Variants in UBA1 observed in about 807,000 individuals in gnomAD.
UBA1 encodes ubiquitin-like modifier-activating enzyme 1.
A neutral mutation model predicts 84.7 loss-of-function variants in UBA1; 4 were observed. The ratio of observed to expected loss-of-function variants is 0.05; its 90% CI spans 0.02 to 0.11. UBA1 has a LOEUF of 0.11. Ranked by LOEUF, UBA1 falls within the 10% of genes least tolerant of loss-of-function variation. The pLI, the probability that UBA1 is intolerant of heterozygous loss-of-function variation, is 1.00. For synonymous variants in UBA1, 364 were observed against 362.6 expected (o/e 1.00, Z -0.04); for missense variants, 513 against 902.8 (o/e 0.57, Z 5.53).
At position 47,202,917 on chromosome X, in the gene UBA1, C is replaced by T. The variant is rs1556788918; in HGVS notation, c.1234-26C>T. ...TCAGGCCCCTGTTAACCACTGACCA[C>T]CCCCTCTCTCCCTTCCCCTCTCCAG... On this transcript the variant is annotated intron_variant, in intron 11 of 25. Coordinates refer to ENST00000335972, the MANE Select transcript of UBA1 (RefSeq NM_003334.4). The T allele has an allele frequency of 5.0e-6, 6 of 1,203,298 alleles. No individual in the cohort carries two copies. The South Asian group carries it at 7.1e-5, about 14-fold the overall frequency.
Position 47,213,205 on chromosome X carries a change from G to A in UBA1, c.2838+24G>A, listed in dbSNP as rs782551345. On this transcript the variant is annotated intron_variant, in intron 23 of 25. Coordinates refer to ENST00000335972, the MANE Select transcript of UBA1 (RefSeq NM_003334.4). ...AGGTGGGGGCCTGCATCCGAAGCAG[G>A]GTTTGGGTGGGGTGTATCTGTGTAG... 11 of 1,199,408 alleles carry A rather than the reference G, an allele frequency of 9.2e-6. No individual in the cohort carries two copies. The South Asian group carries it at 1.2e-4, about 14-fold the overall frequency.
rs368727585 is a variant in UBA1 at position 47,199,062 on chromosome X, C to T, written c.132C>T (p.Asn44=). The T allele has an allele frequency of 3.0e-4, 366 of 1,211,189 alleles. No individual in the cohort carries two copies. The highest frequency in any genetic ancestry group is 4.6e-4 in the Middle Eastern group (2 of 4,355). Residue 44 remains asparagine (N), a synonymous_variant, in exon 3 of 26, where the codon AAC becomes AAT. Coordinates refer to ENST00000335972, the MANE Select transcript of UBA1 (RefSeq NM_003334.4). ...PSVPTNGMAK[N]GSEADIDEGL... ...TCTATTCCTAGGGAATGGCCAAGAACGGCAGTGAAGCAGACATAGACGAGG... is the reference window on the plus strand; with the variant it reads ...TCTATTCCTAGGGAATGGCCAAGAATGGCAGTGAAGCAGACATAGACGAGG...
Position 47,206,001 on chromosome X carries a change from C to A in UBA1, c.1629C>A (p.Ile543=). 8.3e-7 allele frequency: 1 copy of A among 1,205,055 alleles called. No homozygotes were observed. Among genetic ancestry groups the A allele is most frequent in the Non-Finnish European group, 1.1e-6 (1 of 891,970 alleles). ...AAAVRQMNPH[I]RVTSHQNRVG... is the part of the protein sequence containing the mutation. ...CTGTGCGCCAAATGAATCCACATAT[C>A]CGGGTGACAAGCCACCAGAACCGTG... The change falls in exon 15 of 26, where the codon ATC becomes ATA. Residue 543 remains isoleucine, a synonymous_variant. Coordinates refer to ENST00000335972, the MANE Select transcript of UBA1 (RefSeq NM_003334.4).
At chrX:47,192,004 G>A (rs1390769123), upstream of UBA1, among the ~76,000 whole-genome samples, 4 of 112,206 alleles carry the variant, frequency 3.6e-5, no homozygotes, top group African/African-American at 1.3e-4. Context: ...CGTTTTGTAA[G>A]CCTGAATAAT....
rs781870417 is a variant in UBA1, at chrX:47,206,280, C to T, written c.1774C>T (p.Arg592Trp). 5 of 1,207,717 alleles carry T rather than the reference C, an allele frequency of 4.1e-6. No homozygotes were observed. Among genetic ancestry groups the T allele is most frequent in the African/African-American group, 3.5e-5 (2 of 57,342 alleles). Residue 592 changes from arginine to tryptophan, a missense_variant, in exon 16 of 26, where the codon CGG (arginine) becomes TGG (tryptophan). Arg to Trp is a moderately radical substitution (Grantham distance 101, BLOSUM62 -3). Coordinates refer to ENST00000335972, the MANE Select transcript of UBA1 (RefSeq NM_003334.4). ...CATGGACCGCCGCTGTGTCTACTAC[C>T]GGAAGCCACTGCTGGAGTCAGGCAC... is the stretch of plus-strand genomic sequence containing the variant. ...MYMDRRCVYY[R>W]KPLLESGTLG...
chrX:47,191,372 C>T (rs1556784257), upstream of UBA1: 2 of 111,273 alleles, frequency 1.8e-5, no homozygotes, highest in Non-Finnish European at 1.9e-5. Flanking sequence ...AGGTGTCAGG[C>T]CTTTGTGACC....
chrX:47,206,685 T>C, intron 16 of UBA1: 1 of 423,135 alleles, frequency 2.4e-6, no homozygotes, highest in Non-Finnish European at 4.1e-6. Context: ...AATATTATGA[T>C]GAATACTCAA....
At chrX:47,202,541 C>G (rs1936457020) in intron 10 of UBA1, 37 bp downstream of exon 10, 1 of 1,205,470 alleles carries the variant, frequency 8.3e-7, no homozygotes, top group Non-Finnish European at 1.1e-6. Context: ...GCAGACATGC[C>G]TGGCACTGCA....
intron 17 of UBA1, 71 bp from the exon 18 acceptor site, chrX:47,209,857 A>C: frequency 8.6e-7 from 1 of 1,156,344 alleles, no homozygotes; most frequent in Admixed American, 2.2e-5. Context: ...TGGAGAAAGT[A>C]AGATTGCTCT....
Position 47,209,967 on chromosome X carries a change from C to T in UBA1, c.2043C>T (p.Gly681=), listed in dbSNP as rs1402622857. The T allele has an allele frequency of 1.7e-6, 2 of 1,210,825 alleles. No individual in the cohort carries two copies. The highest frequency in any genetic ancestry group is 3.0e-5 in the East Asian group (1 of 33,798). The change falls in exon 18 of 26, where the codon GGC becomes GGT. Residue 681 remains glycine, a synonymous_variant. Transcript: ENST00000335972. The part of the protein sequence containing the change: ...KFVERTLRLA[G]TQPLEVLEAV... Reference sequence around the variant, plus strand: ...TGGAGCGAACACTGCGGCTGGCAGGCACTCAGCCCTTGGAGGTGCTGGAGG... The same window carrying T: ...TGGAGCGAACACTGCGGCTGGCAGGTACTCAGCCCTTGGAGGTGCTGGAGG...
chrX:47,199,766 G>A, intron 5 of UBA1, 152 bp downstream of exon 5: 2 of 657,778 alleles, frequency 3.0e-6, no homozygotes, highest in East Asian at 3.3e-5. Flanking sequence ...GTTAGCCCCT[G>A]GCCCTGCCTT....
chrX:47,205,186 C>T (rs1936609714), intron 14 of UBA1: 1 of 204,201 alleles, frequency 4.9e-6, no homozygotes, highest in South Asian at 6.0e-5. Context: ...TGGGAGGGGT[C>T]AGGGAGCCAA....
intron 16 of UBA1, chrX:47,209,156 C>A: frequency 7.0e-6 from 2 of 285,042 alleles, no homozygotes; most frequent in East Asian, 1.3e-4. Flanking sequence ...AAATCAACTT[C>A]ATTGATTTTT....
chrX:47,199,074 A>G lies in UBA1; in HGVS notation c.144A>G (p.Ala48=). 1 of 1,212,482 alleles carries G rather than the reference A, an allele frequency of 8.2e-7. No homozygotes were observed. The highest frequency in any genetic ancestry group is 1.7e-5 in the African/African-American group (1 of 57,979). ...GAATGGCCAAGAACGGCAGTGAAGC[A>G]GACATAGACGAGGGCCTTTACTCCC... ...TNGMAKNGSE[A]DIDEGLYSRQ... The change falls in exon 3 of 26, where the codon GCA becomes GCG. Residue 48 remains alanine (A), a synonymous_variant. Transcript: ENST00000335972.
chrX:47,205,448 C>T (rs1936625299), intron 14 of UBA1: 1 of 343,797 alleles, frequency 2.9e-6, no homozygotes, highest in Non-Finnish European at 5.9e-6. Context: ...GAGCCCCTGC[C>T]ACATGCATCA....
At chrX:47,192,729 TAC>T (rs1936086313), upstream of UBA1, among the ~76,000 whole-genome samples, 1 of 111,468 alleles carries the variant, frequency 9.0e-6, no homozygotes, top group Non-Finnish European at 1.9e-5. Flanking sequence ...TAGCTGGGAT[TAC>T]AGGCGCCCGC....
At chrX:47,212,959 A>G (rs1292570904) in intron 22 of UBA1, 31 bp from the exon 23 acceptor site, 1 of 1,210,761 alleles carries the variant, frequency 8.3e-7, no homozygotes, top group East Asian at 3.0e-5. Context: ...GTACTTAACT[A>G]CCACCTTCTT....
chrX:47,199,907 C>T (rs1273367620), intron 5 of UBA1, among the ~76,000 whole-genome samples: 6 of 109,993 alleles, frequency 5.5e-5, no homozygotes, highest in Admixed American at 9.6e-5. Context: ...CTCAGCCTCC[C>T]GAGTAGCTGG....
intron 8 of UBA1, 116 bp downstream of exon 8, chrX:47,201,726 C>T: frequency 1.1e-6 from 1 of 904,084 alleles, no homozygotes; most frequent in Non-Finnish European, 1.6e-6. Flanking sequence ...AAGACACATC[C>T]TGGTGTTTGA....
Sources: gnomAD v4.1 joint callset for allele counts (sites outside exome capture counted in the v4.1 genomes callset) on GRCh38, gnomAD v4.1.1 for gene constraint, MANE v1.5 for transcripts, NCBI Gene and HGNC (gene_info 2026-07-23, HGNC 2026-07-21) for gene names.